Variants in HS6ST3 observed in about 807,000 individuals in gnomAD.
HS6ST3 encodes heparan sulfate 6-O-sulfotransferase 3.
In HS6ST3, 12 loss-of-function variants were observed where a neutral mutation model predicts 36.7. The observed-to-expected ratio is 0.33, with a 90% CI of 0.21 to 0.53. The LOEUF (loss-of-function observed/expected upper bound fraction) is 0.53, where lower values mean the gene tolerates loss of function less well. Among genes scored for constraint, HS6ST3 ranks in the 20% least tolerant of loss-of-function variants. The pLI is 0.95. For synonymous variants in HS6ST3, 240 were observed against 257.5 expected, an observed-to-expected ratio of 0.93 and a Z score of 0.65; for missense variants, 584 against 640.9, an observed-to-expected ratio of 0.91 and a Z score of 0.96.
intron 1 of HS6ST3, among the ~76,000 whole-genome samples, chr13:96,658,223 T>C (rs1403306173): frequency 1.3e-5 from 2 of 151,578 alleles, no homozygotes; most frequent in Non-Finnish European, 2.9e-5. Flanking sequence ...TCTTCTGTTA[T>C]ATGCCACAAT....
intron 1 of HS6ST3, among the ~76,000 whole-genome samples, chr13:96,415,769 C>G (rs949007062): frequency 6.6e-6 from 1 of 152,138 alleles, no homozygotes. Flanking sequence ...GGTGGGTACA[C>G]CAATAAGCAA....
At chr13:96,721,584 T>C (rs762391403) in intron 1 of HS6ST3, among the ~76,000 whole-genome samples, 1 of 152,192 alleles carries the variant, frequency 6.6e-6, no homozygotes, top group Non-Finnish European at 1.5e-5. Context: ...ACTTACAGAT[T>C]TCTCAAGTCA....
At position 96,317,536 on chromosome 13, in the gene HS6ST3, C is replaced by CT. The variant is rs373426815; in HGVS notation, c.707+225972dup. Among the ~76,000 whole-genome samples, 109 of 151,004 alleles carry CT rather than the reference C, an allele frequency of 7.2e-4. 2 individuals carry two copies. The highest frequency in any genetic ancestry group is 2.5e-3 in the African/African-American group (105 of 41,208). On this transcript the variant is annotated intron_variant, in intron 1 of 1. Transcript: ENST00000376705. ...TGGCAATGAATGTGAGGGCATGTGC[C>CT]TTTTTGGTGTAATGATCTATTTTCC...
At chr13:96,187,844 G>T (rs551350250) in intron 1 of HS6ST3, among the ~76,000 whole-genome samples, 1 of 152,288 alleles carries the variant, frequency 6.6e-6, no homozygotes, top group African/African-American at 2.4e-5. Context: ...TGCTACCCAA[G>T]TGGTAGAATT....
At chr13:96,453,241 TA>T (rs2055738640) in intron 1 of HS6ST3, among the ~76,000 whole-genome samples, 1 of 151,800 alleles carries the variant, frequency 6.6e-6, no homozygotes, top group African/African-American at 2.4e-5. Context: ...GCTACGTGGA[TA>T]TATTGTGCTG....
chr13:96,541,999 T>G (rs1170411405), intron 1 of HS6ST3, among the ~76,000 whole-genome samples: 1 of 152,222 alleles, frequency 6.6e-6, no homozygotes, highest in Non-Finnish European at 1.5e-5. Flanking sequence ...GCTTTCTTTC[T>G]TACTATTATT....
chr13:96,825,372 T>C (rs1440277238), intron 1 of HS6ST3, among the ~76,000 whole-genome samples: 1 of 152,084 alleles, frequency 6.6e-6, no homozygotes, highest in African/African-American at 2.4e-5. Flanking sequence ...TACTGCAGTA[T>C]TGAAAAGGAA....
rs1232773421 is a variant in HS6ST3, at chr13:96,139,234, A to G, written c.707+47665A>G. Among the ~76,000 whole-genome samples, 3 of 152,114 alleles carry G rather than the reference A, an allele frequency of 2.0e-5. No homozygotes were observed. The East Asian group carries it at 5.8e-4, about 29-fold the overall frequency. ...ATTAATATAATTTTTCTGAGTAATCATGTTAATAACTATGGTATGTGAAAT... is the reference window on the plus strand; with the variant it reads ...ATTAATATAATTTTTCTGAGTAATCGTGTTAATAACTATGGTATGTGAAAT... On this transcript the variant is annotated intron_variant, in intron 1 of 1. Transcript: ENST00000376705.
intron 1 of HS6ST3, among the ~76,000 whole-genome samples, chr13:96,336,054 G>A (rs2055099330): frequency 6.6e-6 from 1 of 152,106 alleles, no homozygotes; most frequent in Non-Finnish European, 1.5e-5. Context: ...TTAATAAGGT[G>A]AGAGTTTTGA....
At chr13:96,212,720 TG>T (rs1222756846) in intron 1 of HS6ST3, among the ~76,000 whole-genome samples, 4 of 152,106 alleles carry the variant, frequency 2.6e-5, no homozygotes, top group African/African-American at 4.8e-5. Flanking sequence ...GATACTTTTT[TG>T]GGGGGTAAAG....
chr13:96,687,553 C>T (rs550702530), intron 1 of HS6ST3, among the ~76,000 whole-genome samples: 2 of 151,862 alleles, frequency 1.3e-5, no homozygotes, highest in South Asian at 2.1e-4. Context: ...ATATTTCCAA[C>T]TCACATATAA....
chr13:96,371,646 C>A (rs2055290837), intron 1 of HS6ST3, among the ~76,000 whole-genome samples: 1 of 152,110 alleles, frequency 6.6e-6, no homozygotes. Context: ...CCCTGGAAAC[C>A]ACCATTCTGC....
At position 96,518,063 on chromosome 13, in the gene HS6ST3, A is replaced by G. The variant is rs183356893; in HGVS notation, c.708-314427A>G. 2.6e-3 allele frequency among the ~76,000 whole-genome samples: 403 copies of G among 152,278 alleles called. 3 individuals are homozygous for G. Among genetic ancestry groups the G allele is most frequent in the South Asian group, 0.016 (76 of 4,830 alleles). On this transcript the variant is annotated intron_variant, in intron 1 of 1. Transcript: ENST00000376705. ...ATGGGATTGTGTCTTTTGCAGGAAC[A>G]TGATGGAGCTGGGGGCTATTATCTT...
In HS6ST3 at chr13:96,691,623, TCTTCCCTTCC is replaced by T. The variant is rs71658960; in HGVS notation, c.708-140851_708-140842del. On this transcript the variant is annotated intron_variant, in intron 1 of 1. Transcript: ENST00000376705. ...CCTCTTTTTCTTTTCCCCTTACTTT[TCTTCCCTTCC>T]CTTCCCTTCCCTTCCTTTCCCTCTT... is the stretch of plus-strand genomic sequence containing the variant. 4.5e-3 allele frequency among the ~76,000 whole-genome samples: 670 copies of T among 150,072 alleles called. 8 individuals are homozygous for T. The highest frequency in any genetic ancestry group is 0.015 in the African/African-American group (625 of 40,756).
chr13:96,813,554 T>C (rs1170051806), intron 1 of HS6ST3, among the ~76,000 whole-genome samples: 1 of 152,190 alleles, frequency 6.6e-6, no homozygotes, highest in Non-Finnish European at 1.5e-5. Flanking sequence ...ATATTGACTC[T>C]CCACTGTGGA....
chr13:96,608,570 C>T lies in HS6ST3; in HGVS notation c.708-223920C>T, dbSNP rs369912454. Among the ~76,000 whole-genome samples the T allele has an allele frequency of 4.1e-4, 63 of 152,216 alleles. 1 individual carries two copies. In the South Asian group the frequency reaches 0.013, roughly 31 times the overall value. On this transcript the variant is annotated intron_variant, in intron 1 of 1. Coordinates refer to ENST00000376705, the MANE Select transcript of HS6ST3 (RefSeq NM_153456.4). The stretch of plus-strand genomic sequence containing the variant: ...TCAAAAGGATGTGTTCTGTAAAATC[C>T]GGATTCTGGAAAACTCTATAGGTCA...
intron 1 of HS6ST3, among the ~76,000 whole-genome samples, chr13:96,708,740 T>C (rs1460008878): frequency 2.0e-5 from 3 of 152,082 alleles, no homozygotes; most frequent in Non-Finnish European, 4.4e-5. Flanking sequence ...TTTCAACTCA[T>C]CTGGGGAGCA....
At chr13:96,417,707 T>C (rs1201393938) in intron 1 of HS6ST3, among the ~76,000 whole-genome samples, 1 of 132,880 alleles carries the variant, frequency 7.5e-6, no homozygotes, top group East Asian at 2.3e-4. Flanking sequence ...TATTTATATG[T>C]ACGTATCTGT....
At chr13:96,417,590 A>ATGTGTGTGTG (rs148288275) in intron 1 of HS6ST3, among the ~76,000 whole-genome samples, 299 of 139,978 alleles carry the variant, frequency 2.1e-3, no homozygotes, top group Middle Eastern at 0.011. Context: ...GCATATATAT[A>ATGTGTGTGTG]TGTGTGTGTG....
Sources: gnomAD v4.1 joint callset for allele counts (sites outside exome capture counted in the v4.1 genomes callset) on GRCh38, gnomAD v4.1.1 for gene constraint, MANE v1.5 for transcripts, NCBI Gene and HGNC (gene_info 2026-07-23, HGNC 2026-07-21) for gene names.